FOXP2: variants seen among roughly 807,000 people sequenced by gnomAD.
FOXP2 encodes the protein forkhead box protein P2.
In FOXP2, 12 loss-of-function variants were observed where a neutral mutation model predicts 115.8. The ratio of observed to expected loss-of-function variants is 0.10; its 90% CI spans 0.07 to 0.17. The LOEUF (loss-of-function observed/expected upper bound fraction) is 0.17. Among genes scored for constraint, FOXP2 ranks in the 10% least tolerant of loss-of-function variants. The pLI, the probability that FOXP2 is intolerant of heterozygous loss-of-function variation, is 1.00. For synonymous variants in FOXP2, 328 were observed against 297.7 expected, an observed-to-expected ratio of 1.10 and a Z score of -1.05; for missense variants, 629 against 843.5, an observed-to-expected ratio of 0.75 and a Z score of 3.15.
intron 1 of FOXP2, among the ~76,000 whole-genome samples, chr7:114,169,048 A>C (rs1284259830): frequency 6.6e-6 from 1 of 152,204 alleles, no homozygotes; most frequent in African/African-American, 2.4e-5. Context: ...AAATACCTGC[A>C]AAGGCAGAGT....
At chr7:114,588,269 T>G (rs1218603890) in intron 3 of FOXP2, among the ~76,000 whole-genome samples, 1 of 151,800 alleles carries the variant, frequency 6.6e-6, no homozygotes, top group East Asian at 2.0e-4. Flanking sequence ...ATCGCACCAC[T>G]GCAATCCAGC....
chr7:114,531,884 A>G (rs1180964343), intron 2 of FOXP2, among the ~76,000 whole-genome samples: 1 of 151,908 alleles, frequency 6.6e-6, no homozygotes, highest in Non-Finnish European at 1.5e-5. Flanking sequence ...TTAATTTTCT[A>G]GTGTTTGTCT....
chr7:114,331,555 CA>C (rs1384643331), intron 2 of FOXP2, among the ~76,000 whole-genome samples: 1 of 152,124 alleles, frequency 6.6e-6, no homozygotes, highest in African/African-American at 2.4e-5. Context: ...GAAAACGTGT[CA>C]GCTTCTTCTC....
At chr7:114,179,641 G>T (rs945163774) in intron 1 of FOXP2, among the ~76,000 whole-genome samples, 1 of 151,998 alleles carries the variant, frequency 6.6e-6, no homozygotes, top group Non-Finnish European at 1.5e-5. Context: ...TCTTTTGGAA[G>T]ACTATGTTGA....
At chr7:114,463,172 G>A (rs915847957) in intron 2 of FOXP2, 7 of 290,600 alleles carry the variant, frequency 2.4e-5, no homozygotes, top group Non-Finnish European at 4.9e-5. Context: ...AGGACTACAG[G>A]TGTGTGCCAC....
At chr7:114,169,922 T>C (rs1167510867) in intron 1 of FOXP2, among the ~76,000 whole-genome samples, 2 of 152,294 alleles carry the variant, frequency 1.3e-5, no homozygotes, top group South Asian at 2.1e-4. Flanking sequence ...CTGCCATCCA[T>C]GTAAGATGTG....
At chr7:114,558,871 G>C (rs990150985) in intron 3 of FOXP2, among the ~76,000 whole-genome samples, 4 of 152,080 alleles carry the variant, frequency 2.6e-5, no homozygotes, top group African/African-American at 9.7e-5. Flanking sequence ...ACTTGACTTT[G>C]CAGCTGATTC....
intron 2 of FOXP2, among the ~76,000 whole-genome samples, chr7:114,309,060 G>T (rs1797081287): frequency 6.6e-6 from 1 of 152,182 alleles, no homozygotes; most frequent in Non-Finnish European, 1.5e-5. Context: ...AGAGTGTATA[G>T]CAAACAGTTT....
intron 1 of FOXP2, among the ~76,000 whole-genome samples, chr7:114,093,120 G>A (rs1166095710): frequency 6.6e-6 from 1 of 152,094 alleles, no homozygotes; most frequent in Non-Finnish European, 1.5e-5. Flanking sequence ...GAATAAAATA[G>A]ATGTTACATA....
At chr7:114,346,275 A>G (rs1527144) in intron 2 of FOXP2, among the ~76,000 whole-genome samples, 87,123 of 151,522 alleles carry the variant, frequency 0.57, 25,743 homozygotes, top group East Asian at 0.84. Flanking sequence ...GAATCATCAT[A>G]TCAAGGAGAT....
chr7:114,190,225 T>C (rs1793721059), intron 1 of FOXP2, among the ~76,000 whole-genome samples: 1 of 152,106 alleles, frequency 6.6e-6, no homozygotes, highest in South Asian at 2.1e-4. Flanking sequence ...TATGTCTGGG[T>C]GTGTCTGTGA....
rs1806993685 is a variant in FOXP2 at position 114,663,475 on chromosome 7, C to T, written c.1795C>T (p.Pro599Ser). The change falls in exon 15 of 17, where the codon CCT becomes TCT. Residue 599 changes from proline to serine, a missense_variant. Physicochemically the swap from Pro to Ser is moderately conservative, Grantham distance 74. Around this residue, in one of 9 missense-constraint regions of FOXP2, gnomAD observed 40 missense variants for 75.3 expected, o/e 0.53. Transcript: ENST00000350908. Reference protein sequence around the residue: ...TGSPTLVKNIPTSLGYGAALN... With the variant: ...TGSPTLVKNISTSLGYGAALN... ...AAGTCCAACCTTAGTAAAAAATATA[C>T]CTACCAGTTTAGGCTATGGAGCAGC... 6.2e-7 allele frequency: 1 copy of T among 1,609,722 alleles called. No homozygotes were observed. Among genetic ancestry groups the T allele is most frequent in the African/African-American group, 1.3e-5 (1 of 74,426 alleles).
intron 16 of FOXP2, chr7:114,666,119 A>G (rs140609915): frequency 1.1e-4 from 16 of 152,246 alleles, no homozygotes; most frequent in Admixed American, 9.2e-4. Flanking sequence ...CTATGGGTTT[A>G]TAAAGTTAAA....
At chr7:114,638,638 T>TC (rs1805353149) in intron 6 of FOXP2, among the ~76,000 whole-genome samples, 1 of 152,098 alleles carries the variant, frequency 6.6e-6, no homozygotes, top group Non-Finnish European at 1.5e-5. Flanking sequence ...TTTAAAAATG[T>TC]CCCCCCAAAA....
chr7:114,396,100 G>A (rs60603579), intron 2 of FOXP2, among the ~76,000 whole-genome samples: 59,531 of 151,462 alleles, frequency 0.39, 12,642 homozygotes, highest in African/African-American at 0.52. Context: ...CAAATAGTAG[G>A]CCTTATTTAT....
intron 3 of FOXP2, among the ~76,000 whole-genome samples, chr7:114,624,976 C>T (rs1458291839): frequency 6.6e-6 from 1 of 151,166 alleles, no homozygotes; most frequent in South Asian, 2.1e-4. Context: ...AGAATTTTCC[C>T]TCTCTCATTT....
intron 2 of FOXP2, among the ~76,000 whole-genome samples, chr7:114,359,561 G>A (rs1003034272): frequency 2.6e-5 from 4 of 152,196 alleles, no homozygotes; most frequent in African/African-American, 9.6e-5. Context: ...GCCAGAAGTG[G>A]GGCTGTATCC....
intron 16 of FOXP2, among the ~76,000 whole-genome samples, chr7:114,671,591 C>T (rs1397947285): frequency 6.6e-6 from 1 of 152,208 alleles, no homozygotes; most frequent in East Asian, 1.9e-4. Flanking sequence ...TTAAAAATTT[C>T]CTTTCTCTAA....
chr7:114,261,715 T>C (rs770695925), intron 1 of FOXP2, among the ~76,000 whole-genome samples: 26 of 152,210 alleles, frequency 1.7e-4, no homozygotes, highest in Admixed American at 3.3e-4. Flanking sequence ...TGGTGTCTGA[T>C]GCATAATAAG....
Sources: allele counts gnomAD v4.1 joint callset (sites outside exome capture counted in the v4.1 genomes callset), GRCh38; gene constraint gnomAD v4.1.1; regional missense constraint gnomAD v4.1.1; transcripts MANE v1.5; gene names NCBI Gene and HGNC (gene_info 2026-07-23, HGNC 2026-07-21).